Variants in MAPK8 observed in about 807,000 individuals in gnomAD.
The protein encoded by MAPK8 is JUN N-terminal kinase.
In MAPK8, 13 loss-of-function variants were observed where a neutral mutation model predicts 52.9. That is an observed-to-expected ratio of 0.25 (90% confidence interval 0.16 to 0.39). The LOEUF (loss-of-function observed/expected upper bound fraction) is 0.39. Among genes scored for constraint, MAPK8 ranks in the 10% least tolerant of loss-of-function variants. The probability of loss-of-function intolerance (pLI) is 1.00; values close to 1 mark genes in which losing one functional copy is unlikely to be tolerated. For synonymous variants in MAPK8, 191 were observed against 169.8 expected, an observed-to-expected ratio of 1.12 and a Z score of -0.97; for missense variants, 300 against 519.2, an observed-to-expected ratio of 0.58 and a Z score of 4.10.
intron 1 of MAPK8, among the ~76,000 whole-genome samples, chr10:48,338,068 G>T (rs1385939644): frequency 1.3e-5 from 2 of 151,846 alleles, no homozygotes; most frequent in African/African-American, 4.8e-5. Context: ...AAAAATCAAG[G>T]TGGAGAGATA....
intron 2 of MAPK8, 26 bp from the exon 3 acceptor site, chr10:48,404,826 G>A: frequency 6.4e-7 from 1 of 1,571,010 alleles, no homozygotes. Context: ...AAGTTTTTTT[G>A]TGTGTTTTTG....
intron 5 of MAPK8, among the ~76,000 whole-genome samples, chr10:48,415,943 C>T (rs1015243411): frequency 3.3e-5 from 5 of 152,144 alleles, no homozygotes; most frequent in African/African-American, 1.2e-4. Flanking sequence ...CTAATGAGAT[C>T]TACTGGGGTC....
At chr10:48,411,001 T>G (rs2042718825) in intron 5 of MAPK8, among the ~76,000 whole-genome samples, 1 of 152,236 alleles carries the variant, frequency 6.6e-6, no homozygotes, top group Admixed American at 6.5e-5. Context: ...TGTTTTAGCA[T>G]TTCTTTATGT....
At chr10:48,392,058 GCATGATTGACAAC>G (rs1434043333) in intron 1 of MAPK8, among the ~76,000 whole-genome samples, 1 of 152,070 alleles carries the variant, frequency 6.6e-6, no homozygotes, top group Non-Finnish European at 1.5e-5. Flanking sequence ...TATTGGATAG[GCATGATTGACAAC>G]CATGTGGAAA....
intron 1 of MAPK8, among the ~76,000 whole-genome samples, chr10:48,312,340 C>T (rs912076482): frequency 1.3e-5 from 2 of 152,220 alleles, no homozygotes; most frequent in African/African-American, 4.8e-5. Context: ...CCAGAGTTCT[C>T]AATCTCCTCT....
intron 1 of MAPK8, among the ~76,000 whole-genome samples, chr10:48,374,968 A>AC (rs2040561079): frequency 6.6e-6 from 1 of 152,230 alleles, no homozygotes. Context: ...TCCCTGATGA[A>AC]CATTGATGTG....
intron 1 of MAPK8, among the ~76,000 whole-genome samples, chr10:48,324,291 T>C (rs2132180946): frequency 6.6e-6 from 1 of 152,328 alleles, no homozygotes; most frequent in Middle Eastern, 3.4e-3. Context: ...ATAGCTCTTG[T>C]GAAGGTGTTT....
At chr10:48,424,407 C>A in intron 7 of MAPK8, 1 of 747,732 alleles carries the variant, frequency 1.3e-6, no homozygotes, top group Non-Finnish European at 2.1e-6. Context: ...TTTTATACTG[C>A]TTTTTATAAT....
At chr10:48,434,485 A>G (rs182922283) in intron 11 of MAPK8, among the ~76,000 whole-genome samples, 2 of 152,346 alleles carry the variant, frequency 1.3e-5, no homozygotes, top group East Asian at 3.9e-4. Flanking sequence ...TTTTGTAGTT[A>G]CACAGTCCTT....
At chr10:48,407,262 A>G (rs1390994227) in intron 3 of MAPK8, among the ~76,000 whole-genome samples, 1 of 152,156 alleles carries the variant, frequency 6.6e-6, no homozygotes, top group Non-Finnish European at 1.5e-5. Context: ...TCTAACTATC[A>G]CAGTTATCCA....
chr10:48,318,406 C>A (rs1842700215), intron 1 of MAPK8, among the ~76,000 whole-genome samples: 1 of 152,110 alleles, frequency 6.6e-6, no homozygotes, highest in African/African-American at 2.4e-5. Flanking sequence ...AACCATCACA[C>A]CAGATCAGTT....
chr10:48,425,958 A>G lies in MAPK8; in HGVS notation c.759A>G (p.Gln253=), dbSNP rs777194793. The G allele has an allele frequency of 9.9e-6, 16 of 1,612,924 alleles. No individual in the cohort carries two copies. In the South Asian group the frequency reaches 1.1e-4, roughly 11 times the overall value. ...GTCCTGAATTCATGAAGAAACTGCA[A>G]CCAACAGTAAGGACTTACGTTGAAA... is the stretch of plus-strand genomic sequence containing the variant. ...TPCPEFMKKL[Q]PTVRTYVENR... Residue 253 remains glutamine (Q), a synonymous_variant, in exon 8 of 12, where the codon CAA becomes CAG. Coordinates refer to ENST00000374189, the MANE Select transcript of MAPK8 (RefSeq NM_001323329.2).
intron 10 of MAPK8, among the ~76,000 whole-genome samples, chr10:48,427,800 T>C (rs1275106814): frequency 4.6e-5 from 7 of 152,228 alleles, no homozygotes; most frequent in African/African-American, 1.4e-4. Context: ...TAATCAGATA[T>C]CTGGAAGGTT....
chr10:48,414,368 T>C (rs1277479168), intron 5 of MAPK8, among the ~76,000 whole-genome samples: 1 of 152,080 alleles, frequency 6.6e-6, no homozygotes, highest in Admixed American at 6.6e-5. Context: ...GACATGAACA[T>C]TTATGTAAAA....
chr10:48,389,232 G>A (rs147792409), intron 1 of MAPK8, among the ~76,000 whole-genome samples: 82 of 152,242 alleles, frequency 5.4e-4, no homozygotes, highest in African/African-American at 1.8e-3. Flanking sequence ...GGGCTAATAA[G>A]GAGTGAGGTT....
intron 1 of MAPK8, among the ~76,000 whole-genome samples, chr10:48,388,775 G>A (rs950912975): frequency 3.3e-5 from 5 of 152,144 alleles, no homozygotes; most frequent in Non-Finnish European, 5.9e-5. Context: ...AACATAGGCT[G>A]TCTCAGTCTG....
intron 1 of MAPK8, among the ~76,000 whole-genome samples, chr10:48,376,817 C>A (rs2040691467): frequency 6.6e-6 from 1 of 152,158 alleles, no homozygotes; most frequent in African/African-American, 2.4e-5. Flanking sequence ...GGCAATTCCT[C>A]AAGGATCTAG....
chr10:48,349,292 A>G (rs1374739700), intron 1 of MAPK8, among the ~76,000 whole-genome samples: 1 of 152,022 alleles, frequency 6.6e-6, no homozygotes, highest in Non-Finnish European at 1.5e-5. Context: ...CATCGATAGA[A>G]CTCTCCACCC....
chr10:48,435,056 G>GTT lies in MAPK8; in HGVS notation c.*27_*28insTT. 8.2e-7 allele frequency: 1 copy of GTT among 1,214,556 alleles called. No homozygotes were observed. The highest frequency in any genetic ancestry group is 1.1e-6 in the Non-Finnish European group (1 of 870,324). 75.2% of individuals were successfully genotyped at this position (1,214,556 alleles called of 1,614,324 possible). ...TACTTGGGCCATCGGGGGGTGGGAG[G>GTT]GATGGGGAGTCGGTTAGTCATTGAT... is the stretch of plus-strand genomic sequence containing the variant. On this transcript the variant is annotated 3_prime_UTR_variant, in exon 12 of 12. Coordinates refer to ENST00000374189, the MANE Select transcript of MAPK8 (RefSeq NM_001323329.2).
Sources: gnomAD v4.1 joint callset for allele counts (sites outside exome capture counted in the v4.1 genomes callset) on GRCh38, gnomAD v4.1.1 for gene constraint, MANE v1.5 for transcripts, NCBI Gene and HGNC (gene_info 2026-07-23, HGNC 2026-07-21) for gene names.